The following DPEP1 variants were observed in gnomAD, a reference collection of about 807,000 sequenced individuals.
DPEP1 encodes the protein dipeptidase 1.
In DPEP1, 50 loss-of-function variants were observed where a neutral mutation model predicts 42.3. The observed-to-expected ratio is 1.18, with a 90% CI of 0.94 to 1.50. The LOEUF (loss-of-function observed/expected upper bound fraction) is 1.50, where lower values mean the gene tolerates loss of function less well. Among genes scored for constraint, DPEP1 ranks in the 40% most tolerant of loss-of-function variants. The pLI, the probability that DPEP1 is intolerant of heterozygous loss-of-function variation, is 0.00. For missense variants in DPEP1, 663 were observed against 553.0 expected, an observed-to-expected ratio of 1.20 and a Z score of -1.99; for synonymous variants, 297 against 234.0, an observed-to-expected ratio of 1.27 and a Z score of -2.46.
chr16:89,632,923 CAAAAAGA>C (rs2059608251), intron 2 of DPEP1, among the ~76,000 whole-genome samples: 1 of 151,856 alleles, frequency 6.6e-6, no homozygotes, highest in African/African-American at 2.4e-5. Context: ...GACCCTGTCT[CAAAAAGA>C]AAAAAGAAAG....
intron 2 of DPEP1, among the ~76,000 whole-genome samples, chr16:89,633,011 G>A (rs528132697): frequency 5.3e-5 from 8 of 152,224 alleles, no homozygotes; most frequent in South Asian, 2.1e-4. Context: ...CTCCAAGGGC[G>A]GCTCCTGGGG....
downstream of DPEP1, chr16:89,640,465 G>GA (rs1285711233): frequency 1.4e-6 from 1 of 711,542 alleles, no homozygotes; most frequent in African/African-American, 1.9e-5. Context: ...GAGGAGCAGG[G>GA]GGCTCCGGGG....
chr16:89,634,152 G>C (rs1205530879), intron 2 of DPEP1, among the ~76,000 whole-genome samples: 1 of 141,404 alleles, frequency 7.1e-6, no homozygotes, highest in Non-Finnish European at 1.5e-5. Context: ...GCAGTGGTGC[G>C]ATCTCGGCTC....
chr16:89,621,535 G>T (rs1433031757), intron 1 of DPEP1, among the ~76,000 whole-genome samples: 2 of 152,196 alleles, frequency 1.3e-5, no homozygotes, highest in Admixed American at 6.5e-5. Context: ...GAGAGAGACA[G>T]GGCCGGGCTC....
Position 89,638,365 on chromosome 16 carries a change from G to A in DPEP1, c.*143G>A. 1.4e-6 allele frequency: 2 copies of A among 1,423,900 alleles called. No homozygotes were observed. The highest frequency in any genetic ancestry group is 3.1e-5 in the South Asian group (2 of 64,380). 88.2% of individuals were successfully genotyped at this position (1,423,900 alleles called of 1,614,324 possible). A position where few individuals can be genotyped will look rare whatever the true frequency, so the allele number is the denominator to read the frequency against. On this transcript the variant is annotated 3_prime_UTR_variant, in exon 11 of 11. Transcript: ENST00000690203. Reference sequence around the variant, plus strand: ...GAGGACGCCTGGGCTTACCTGGGGGGCAGGATGCCTGGGGACAGTTCAGGA... The same window carrying A: ...GAGGACGCCTGGGCTTACCTGGGGGACAGGATGCCTGGGGACAGTTCAGGA...
intron 1 of DPEP1, among the ~76,000 whole-genome samples, chr16:89,620,183 C>T (rs1036552029): frequency 2.6e-5 from 4 of 152,128 alleles, no homozygotes; most frequent in East Asian, 2.0e-4. Flanking sequence ...ATCAACCCAT[C>T]GCACTTACAG....
chr16:89,637,047 T>C lies in DPEP1; in HGVS notation c.591+112T>C. On this transcript the variant is annotated intron_variant, in intron 6 of 10. Transcript: ENST00000690203. ...GACCTCAGTGTCCTTGTCTGTAAAA[T>C]GGAGCTGGCAGCCATCCCCCCAGGG... The C allele has an allele frequency of 2.0e-6, 3 of 1,533,966 alleles. No homozygotes were observed. In the East Asian group the frequency reaches 6.8e-5, roughly 35 times the overall value.
chr16:89,636,515 C>T lies in DPEP1; in HGVS notation c.371-18C>T. The T allele has an allele frequency of 6.2e-7, 1 of 1,610,398 alleles. No individual in the cohort carries two copies. Among genetic ancestry groups the T allele is most frequent in the Non-Finnish European group, 8.5e-7 (1 of 1,178,650 alleles). ...GATACCAGGTGCCCACTCCCCTGCACCCTGACTCTCCCCGCAGGCATTCGG... is the reference window on the plus strand; with the variant it reads ...GATACCAGGTGCCCACTCCCCTGCATCCTGACTCTCCCCGCAGGCATTCGG... On this transcript the variant is annotated intron_variant, in intron 4 of 10. Transcript: ENST00000690203.
At chr16:89,615,093 C>A (rs184854163) in intron 1 of DPEP1, among the ~76,000 whole-genome samples, 2 of 152,184 alleles carry the variant, frequency 1.3e-5, no homozygotes, top group African/African-American at 4.8e-5. Flanking sequence ...GGCCTCCAAA[C>A]GTGGAAGTGT....
Position 89,637,623 on chromosome 16 carries a change from C to T in DPEP1, c.854-9C>T, listed in dbSNP as rs778883280. 2 of 1,612,890 alleles carry T rather than the reference C, an allele frequency of 1.2e-6. No homozygotes were observed. Among genetic ancestry groups the T allele is most frequent in the South Asian group, 2.2e-5 (2 of 91,084 alleles). On this transcript the variant is annotated splice_polypyrimidine_tract_variant and intron_variant, in intron 8 of 10. Transcript: ENST00000690203. ...CACTCGGGACCCATACCTGCTGCTC[C>T]CTGGACAGACCATCTGGATCACATC...
chr16:89,616,257 G>A (rs114076766), intron 1 of DPEP1, among the ~76,000 whole-genome samples: 2,524 of 152,168 alleles, frequency 0.017, 64 homozygotes, highest in African/African-American at 0.055. Context: ...AGCCAGTGTC[G>A]ACGAAACAGG....
In DPEP1 at chr16:89,620,243, T is replaced by C. The variant is rs2059432023; in HGVS notation, c.-107+6524T>C. Among the ~76,000 whole-genome samples, 4 of 152,186 alleles carry C rather than the reference T, an allele frequency of 2.6e-5. No individual in the cohort carries two copies. In the South Asian group the frequency reaches 8.3e-4, roughly 32 times the overall value. On this transcript the variant is annotated intron_variant, in intron 1 of 10. Coordinates refer to ENST00000690203, the MANE Select transcript of DPEP1 (RefSeq NM_001389466.1). ...GTCCCAACTCCGGGGCCAGGGTCAG[T>C]GTCCTCCGAGGGAGTCAGGGAGGTG...
chr16:89,639,509 C>G (rs1298883305), downstream of DPEP1, among the ~76,000 whole-genome samples: 13 of 129,984 alleles, frequency 1.0e-4, no homozygotes, highest in African/African-American at 3.9e-4. Flanking sequence ...CTGCACACAC[C>G]CTCATCCTTG....
At chr16:89,616,749 G>C (rs887641737) in intron 1 of DPEP1, 34 of 277,308 alleles carry the variant, frequency 1.2e-4, no homozygotes, top group Non-Finnish European at 2.0e-4. Flanking sequence ...CTGGGAAGCA[G>C]GCAGAGAGCG....
intron 1 of DPEP1, among the ~76,000 whole-genome samples, chr16:89,628,973 C>T (rs367680757): frequency 2.0e-5 from 3 of 151,480 alleles, no homozygotes; most frequent in Non-Finnish European, 2.9e-5. Context: ...ACTACAGGTG[C>T]GCACCACCAT....
chr16:89,638,429 TC>T lies in DPEP1; in HGVS notation c.*208del. The T allele has an allele frequency of 7.5e-7, 1 of 1,332,908 alleles. No individual in the cohort carries two copies. The highest frequency in any genetic ancestry group is 9.6e-7 in the Non-Finnish European group (1 of 1,046,946). The allele number at this position is 1,332,908 out of a possible 1,614,324, so 82.6% of individuals were successfully genotyped here. A position where few individuals can be genotyped will look rare whatever the true frequency, so the allele number is the denominator to read the frequency against. On this transcript the variant is annotated 3_prime_UTR_variant, in exon 11 of 11. Transcript: ENST00000690203. ...GGCCCGCAATAAAAGCAACACCCCT[TC>T]ACATCCTGGGGTACGTGTCATCGGC... is the stretch of plus-strand genomic sequence containing the variant.
At chr16:89,615,932 C>T (rs1340802391) in intron 1 of DPEP1, among the ~76,000 whole-genome samples, 1 of 152,106 alleles carries the variant, frequency 6.6e-6, no homozygotes, top group South Asian at 2.1e-4. Flanking sequence ...ATACTGAGGC[C>T]CAAAGGCGCA....
At chr16:89,634,092 T>TTCTTC (rs72160735) in intron 2 of DPEP1, among the ~76,000 whole-genome samples, 2 of 54,356 alleles carry the variant, frequency 3.7e-5, no homozygotes, top group African/African-American at 8.6e-5. Flanking sequence ...TCTCTTCTTC[T>TTCTTC]TTTTTTTTTT....
chr16:89,631,509 T>TG (rs2059588379), intron 2 of DPEP1, among the ~76,000 whole-genome samples: 1 of 152,096 alleles, frequency 6.6e-6, no homozygotes, highest in African/African-American at 2.4e-5. Flanking sequence ...TGGGCTTTGT[T>TG]GGGGAAAAAC....
Sources: gnomAD v4.1 joint callset for allele counts (sites outside exome capture counted in the v4.1 genomes callset) on GRCh38, gnomAD v4.1.1 for gene constraint, MANE v1.5 for transcripts, NCBI Gene and HGNC (gene_info 2026-07-23, HGNC 2026-07-21) for gene names.